Variants in DAB1 observed in about 807,000 individuals in gnomAD.
The protein encoded by DAB1 is disabled homolog 1.
DAB1 carries 15 observed loss-of-function variants against 64.6 expected under a neutral mutation model. That is an observed-to-expected ratio of 0.23 (90% CI 0.16 to 0.36). DAB1 has a LOEUF of 0.36. DAB1 is among the 10% of genes least tolerant of loss of function. DAB1 has a pLI of 1.00. For synonymous variants in DAB1, 235 were observed against 251.9 expected (o/e 0.93, Z 0.64); for missense variants, 596 against 706.7 (o/e 0.84, Z 1.78).
intron 3 of DAB1, among the ~76,000 whole-genome samples, chr1:58,416,783 T>C (rs1644725419): frequency 6.6e-6 from 1 of 152,190 alleles, no homozygotes; most frequent in Admixed American, 6.5e-5. Flanking sequence ...GATCTTCCTC[T>C]GCTTATAAGG....
At chr1:58,540,742 G>T (rs1444458682) in intron 1 of DAB1, among the ~76,000 whole-genome samples, 2 of 151,380 alleles carry the variant, frequency 1.3e-5, no homozygotes, top group Non-Finnish European at 2.9e-5. Context: ...CATCAATGAG[G>T]TATGCAATAA....
intron 4 of DAB1, among the ~76,000 whole-genome samples, chr1:58,252,661 A>G (rs1467214705): frequency 1.3e-5 from 2 of 152,212 alleles, no homozygotes; most frequent in Non-Finnish European, 2.9e-5. Flanking sequence ...TCAATGAGAT[A>G]AAACAGGCAT....
At chr1:58,026,702 G>A (rs558057224) in intron 5 of DAB1, among the ~76,000 whole-genome samples, 3 of 152,170 alleles carry the variant, frequency 2.0e-5, no homozygotes, top group African/African-American at 7.2e-5. Flanking sequence ...GGAAGAAAAA[G>A]CCAGAGTTAT....
At chr1:57,960,875 G>T (rs1645504424) in intron 5 of DAB1, among the ~76,000 whole-genome samples, 1 of 152,266 alleles carries the variant, frequency 6.6e-6, no homozygotes, top group Non-Finnish European at 1.5e-5. Flanking sequence ...TTGCAGAGGA[G>T]CCAGAGAACC....
intron 6 of DAB1, among the ~76,000 whole-genome samples, chr1:57,660,720 A>C (rs1250793031): frequency 6.6e-6 from 1 of 152,192 alleles, no homozygotes; most frequent in Non-Finnish European, 1.5e-5. Flanking sequence ...GAGAACAGCC[A>C]CTTTGCTGGG....
chr1:58,341,998 T>C (rs1643942789), intron 4 of DAB1, among the ~76,000 whole-genome samples: 1 of 152,206 alleles, frequency 6.6e-6, no homozygotes, highest in Non-Finnish European at 1.5e-5. Flanking sequence ...ATAAACATTT[T>C]ATTGAATGGA....
In DAB1 at chr1:57,554,740, A is replaced by C. The variant is rs533876048; in HGVS notation, n.625+94852T>G. On this transcript the variant is annotated intron_variant and non_coding_transcript_variant, in intron 7 of 20. Transcript: ENST00000485760. ...CATTGACTTTCTATTGCTTTCAGTCATATGAATTTGGGTTTTTAATGAAAC... is the reference window on the plus strand; with the variant it reads ...CATTGACTTTCTATTGCTTTCAGTCCTATGAATTTGGGTTTTTAATGAAAC... 1.5e-4 allele frequency among the ~76,000 whole-genome samples: 23 copies of C among 152,314 alleles called. No homozygotes were observed. The South Asian group carries it at 4.8e-3, about 32-fold the overall frequency.
At chr1:57,215,092 A>G (rs892775726) in intron 2 of DAB1, among the ~76,000 whole-genome samples, 1 of 152,096 alleles carries the variant, frequency 6.6e-6, no homozygotes, top group African/African-American at 2.4e-5. Flanking sequence ...GACCTAACAA[A>G]AAGCTCTTTC....
At chr1:57,551,389 ACAGGG>A (rs1427749396) in intron 7 of DAB1, among the ~76,000 whole-genome samples, 1 of 152,166 alleles carries the variant, frequency 6.6e-6, no homozygotes, top group Non-Finnish European at 1.5e-5. Context: ...GTTCTGTGGC[ACAGGG>A]CAGGTGCATG....
chr1:57,864,875 G>A (rs566778866), intron 1 of DAB1: 4 of 151,782 alleles, frequency 2.6e-5, no homozygotes, highest in Middle Eastern at 3.2e-3. Flanking sequence ...ATGAAACAAC[G>A]CTTTGTAAAC....
intron 5 of DAB1, among the ~76,000 whole-genome samples, chr1:57,893,674 G>C (rs902706630): frequency 2.0e-5 from 3 of 152,176 alleles, no homozygotes; most frequent in African/African-American, 7.2e-5. Flanking sequence ...GTTGTAGCAA[G>C]TAGCTAGTCA....
intron 2 of DAB1, among the ~76,000 whole-genome samples, chr1:57,190,123 A>G (rs984386893): frequency 1.3e-5 from 2 of 152,180 alleles, no homozygotes; most frequent in Non-Finnish European, 2.9e-5. Flanking sequence ...TTGTTAAGGA[A>G]GAGATTGCTG....
intron 6 of DAB1, among the ~76,000 whole-genome samples, chr1:57,782,176 C>A (rs1323832): frequency 6.6e-6 from 1 of 151,672 alleles, no homozygotes; most frequent in Non-Finnish European, 1.5e-5. Context: ...TTTCGAGGTA[C>A]GCTCCTTTTC....
At chr1:57,265,839 A>G (rs1670548182) in intron 2 of DAB1, among the ~76,000 whole-genome samples, 2 of 152,226 alleles carry the variant, frequency 1.3e-5, no homozygotes, top group South Asian at 4.1e-4. Flanking sequence ...CCCAGGTGGT[A>G]TCTATGTATT....
chr1:57,566,465 CA>C (rs1348987850), intron 7 of DAB1, among the ~76,000 whole-genome samples: 1 of 151,962 alleles, frequency 6.6e-6, no homozygotes, highest in Non-Finnish European at 1.5e-5. Flanking sequence ...AAAAACCCTT[CA>C]AAAAATCAAT....
intron 7 of DAB1, among the ~76,000 whole-genome samples, chr1:57,615,165 C>T (rs1188805005): frequency 6.6e-6 from 1 of 152,138 alleles, no homozygotes. Context: ...CCACTGCGCC[C>T]GGCCTCTGTC....
At chr1:57,278,455 A>C (rs987607334) in intron 2 of DAB1, among the ~76,000 whole-genome samples, 2 of 152,242 alleles carry the variant, frequency 1.3e-5, no homozygotes, top group African/African-American at 4.8e-5. Context: ...TCAGCTGAAC[A>C]CACAATATAG....
At chr1:57,794,577 C>T (rs773722549) in intron 6 of DAB1, among the ~76,000 whole-genome samples, 63 of 152,170 alleles carry the variant, frequency 4.1e-4, no homozygotes, top group Non-Finnish European at 8.2e-4. Context: ...CAGACCCAGG[C>T]ACTTCTTGCC....
At chr1:57,015,665 A>T (rs1570502433) in intron 11 of DAB1, among the ~76,000 whole-genome samples, 4 of 152,352 alleles carry the variant, frequency 2.6e-5, no homozygotes, top group Admixed American at 2.6e-4. Context: ...AGCAAAAACT[A>T]GAATGCTAGT....
Sources: allele counts gnomAD v4.1 joint callset (sites outside exome capture counted in the v4.1 genomes callset), GRCh38; gene constraint gnomAD v4.1.1; transcripts MANE v1.5; gene names NCBI Gene and HGNC (gene_info 2026-07-23, HGNC 2026-07-21).